Variants in POSTN observed in about 807,000 individuals in gnomAD.
The protein encoded by POSTN is periostin, also known as osteoblast specific factor 2 (fasciclin I-like).
In POSTN, 71 loss-of-function variants were observed where a neutral mutation model predicts 104.5. That is an observed-to-expected ratio of 0.68 (90% confidence interval 0.56 to 0.83). The LOEUF (loss-of-function observed/expected upper bound fraction) is 0.83. Ranked by LOEUF, POSTN falls within the 40% of genes least tolerant of loss-of-function variation. The probability of loss-of-function intolerance (pLI) is 0.00; values close to 1 mark genes in which losing one functional copy is unlikely to be tolerated. For missense variants in POSTN, 949 were observed against 1,006.8 expected (o/e 0.94, Z 0.78); for synonymous variants, 355 against 340.7 (o/e 1.04, Z -0.46).
chr13:37,571,296 T>C (rs995235288), intron 18 of POSTN, 73 bp downstream of exon 18: 5 of 999,852 alleles, frequency 5.0e-6, no homozygotes, highest in Non-Finnish European at 7.4e-6. Flanking sequence ...AGATGTTCAA[T>C]ATTTCTAAAC....
chr13:37,581,600 A>G (rs1950591586), intron 10 of POSTN, among the ~76,000 whole-genome samples: 1 of 152,092 alleles, frequency 6.6e-6, no homozygotes, highest in Non-Finnish European at 1.5e-5. Context: ...TTGTGCACCT[A>G]TAGTCCTAGC....
rs762198583 is a variant in POSTN, at chr13:37,587,849, C to G, written c.579G>C (p.Gly193=). The G allele has an allele frequency of 6.2e-7, 1 of 1,603,090 alleles. No homozygotes were observed. Among genetic ancestry groups the G allele is most frequent in the Admixed American group, 1.7e-5 (1 of 59,536 alleles). The change falls in exon 5 of 23, where the codon GGG becomes GGC. Residue 193 remains glycine, a synonymous_variant. Transcript: ENST00000379747. The stretch of plus-strand genomic sequence containing the variant: ...CATTAGGATAATGGTTAATGAAAAG[C>G]CCCAAATTGTTATACATTGAAGGAA... ...MIIPSMYNNL[G]LFINHYPNGV...
intron 21 of POSTN, chr13:37,565,087 T>C (rs943476281): frequency 6.6e-6 from 1 of 152,044 alleles, no homozygotes; most frequent in African/African-American, 2.4e-5. Flanking sequence ...AGAAATGTTA[T>C]AATAAGTAAT....
At chr13:37,566,606 T>C (rs1178771475) in intron 21 of POSTN, among the ~76,000 whole-genome samples, 1 of 152,192 alleles carries the variant, frequency 6.6e-6, no homozygotes, top group Non-Finnish European at 1.5e-5. Context: ...TCAGACTGAA[T>C]GCAGACCTAC....
chr13:37,581,725 TA>T (rs578250563), intron 10 of POSTN, among the ~76,000 whole-genome samples: 85 of 145,522 alleles, frequency 5.8e-4, no homozygotes, highest in Non-Finnish European at 6.1e-4. Flanking sequence ...TTCTGTCCCT[TA>T]AAAAAAAAAA....
At chr13:37,584,527 A>G (rs1950688606) in intron 8 of POSTN, among the ~76,000 whole-genome samples, 189 bp downstream of exon 8, 1 of 152,164 alleles carries the variant, frequency 6.6e-6, no homozygotes, top group Non-Finnish European at 1.5e-5. Flanking sequence ...AGATTCATGC[A>G]TGGAGTTCCC....
intron 5 of POSTN, 119 bp from the exon 6 acceptor site, chr13:37,587,047 A>G (rs532794886): frequency 5.3e-5 from 43 of 816,620 alleles, no homozygotes; most frequent in East Asian, 2.2e-4. Context: ...AGGAAACTAC[A>G]TTGTAAATGT....
chr13:37,578,798 CAAAAAAAA>C (rs60857655), intron 15 of POSTN, 38 bp downstream of exon 15: 5 of 1,126,756 alleles, frequency 4.4e-6, no homozygotes, highest in African/African-American at 2.1e-5. Flanking sequence ...GACTCCATCT[CAAAAAAAA>C]AAAAAAAAAA....
intron 4 of POSTN, among the ~76,000 whole-genome samples, chr13:37,588,532 AG>A (rs1366517714): frequency 6.6e-6 from 1 of 152,184 alleles, no homozygotes; most frequent in Non-Finnish European, 1.5e-5. Flanking sequence ...ATATAGCAGC[AG>A]GTAAAAGTAG....
intron 2 of POSTN, 91 bp downstream of exon 2, chr13:37,597,093 A>T: frequency 1.3e-6 from 1 of 785,386 alleles, no homozygotes; most frequent in Non-Finnish European, 1.9e-6. Context: ...CAGTATTTTC[A>T]AGAAGAATGG....
At chr13:37,571,260 T>C in intron 18 of POSTN, 109 bp downstream of exon 18, 1 of 734,274 alleles carries the variant, frequency 1.4e-6, no homozygotes, top group East Asian at 2.9e-5. Context: ...ACAATTTTTA[T>C]AAAATAAGAA....
At chr13:37,580,974 C>T (rs2138275784) in intron 10 of POSTN, among the ~76,000 whole-genome samples, 1 of 152,256 alleles carries the variant, frequency 6.6e-6, no homozygotes, top group African/African-American at 2.4e-5. Context: ...AATCCCACTT[C>T]TACATTTTTT....
At chr13:37,598,522 A>G (rs934318031) in intron 1 of POSTN, 86 bp downstream of exon 1, 25 of 1,234,220 alleles carry the variant, frequency 2.0e-5, no homozygotes, top group Non-Finnish European at 2.6e-5. Flanking sequence ...ACCCTGAGGC[A>G]TATATGAGAA....
chr13:37,595,147 G>A (rs76699777), intron 2 of POSTN, among the ~76,000 whole-genome samples: 1,985 of 151,796 alleles, frequency 0.013, 41 homozygotes, highest in African/African-American at 0.046. Context: ...TAAATTTATG[G>A]CATTCTTCTC....
chr13:37,578,956 A>G (rs747887365), intron 14 of POSTN, 45 bp from the exon 15 acceptor site: 1 of 1,595,230 alleles, frequency 6.3e-7, no homozygotes, highest in Non-Finnish European at 8.5e-7. Context: ...AAAGCATAAA[A>G]TAAAAATCGA....
intron 7 of POSTN, among the ~76,000 whole-genome samples, chr13:37,585,233 C>T (rs1409381274): frequency 6.6e-6 from 1 of 152,118 alleles, no homozygotes; most frequent in Non-Finnish European, 1.5e-5. Context: ...GATGTGAAAG[C>T]AAGAATTGTT....
chr13:37,592,485 A>T (rs1950966989), intron 2 of POSTN, among the ~76,000 whole-genome samples: 1 of 152,088 alleles, frequency 6.6e-6, no homozygotes, highest in Admixed American at 6.5e-5. Flanking sequence ...TTTTTAGTAG[A>T]GATGGGGTTT....
In POSTN at chr13:37,563,344, G is replaced by T. The variant is rs548750667; in HGVS notation, c.2500C>A (p.Arg834Ser). Residue 834 changes from arginine to serine, a missense_variant, in exon 23 of 23, where the codon CGT becomes AGT. Coordinates refer to ENST00000379747, the MANE Select transcript of POSTN (RefSeq NM_006475.3). ...QGSRRRLREG[R>S]SQ Reference sequence around the variant, plus strand: ...TGGTTTTTGGATTTTCACTGAGAACGACCTTCCCTTAATCGTCTTCTAGAT... The same window carrying T: ...TGGTTTTTGGATTTTCACTGAGAACTACCTTCCCTTAATCGTCTTCTAGAT... 2 of 1,588,164 alleles carry T rather than the reference G, an allele frequency of 1.3e-6. No homozygotes were observed. The highest frequency in any genetic ancestry group is 8.6e-7 in the Non-Finnish European group (1 of 1,160,030).
At chr13:37,576,941 T>C (rs541661215) in intron 16 of POSTN, among the ~76,000 whole-genome samples, 92 of 152,194 alleles carry the variant, frequency 6.0e-4, no homozygotes, top group African/African-American at 2.1e-3. Flanking sequence ...TGGTATAAAA[T>C]GGAATGATTT....
Sources: allele counts gnomAD v4.1 joint callset (sites outside exome capture counted in the v4.1 genomes callset), GRCh38; gene constraint gnomAD v4.1.1; transcripts MANE v1.5; gene names NCBI Gene and HGNC (gene_info 2026-07-23, HGNC 2026-07-21).